BET1: variants seen among roughly 807,000 people sequenced by gnomAD.
The protein encoded by BET1 is BET1 homolog.
In BET1, 9 loss-of-function variants were observed where a neutral mutation model predicts 13.9. The observed-to-expected ratio is 0.65, with a 90% CI of 0.39 to 1.13. BET1 has a LOEUF of 1.13. Ranked by LOEUF, BET1 falls within the 50% of genes most tolerant of loss-of-function variation. The pLI, the probability that BET1 is intolerant of heterozygous loss-of-function variation, is 0.01. For synonymous variants in BET1, 39 were observed against 47.3 expected (o/e 0.82, Z 0.72); for missense variants, 127 against 133.6 (o/e 0.95, Z 0.24).
chr7:93,976,380 A>T (rs1195673912), intron 4 of BET1, among the ~76,000 whole-genome samples: 2 of 152,030 alleles, frequency 1.3e-5, no homozygotes, highest in Non-Finnish European at 2.9e-5. Flanking sequence ...GTAAACATAC[A>T]TTCAGCATCT....
intron 4 of BET1, among the ~76,000 whole-genome samples, chr7:93,977,300 T>G (rs1795356006): frequency 6.6e-6 from 1 of 151,994 alleles, no homozygotes; most frequent in African/African-American, 2.4e-5. Context: ...GTCTCTACTA[T>G]ACATATGCAG....
chr7:93,983,748 A>ATGAAGAAT (rs1795471785), intron 4 of BET1, among the ~76,000 whole-genome samples: 5 of 152,136 alleles, frequency 3.3e-5, no homozygotes, highest in Admixed American at 2.6e-4. Flanking sequence ...TTCTTCAGTC[A>ATGAAGAAT]TGCATTGCAA....
At chr7:93,967,791 A>C (rs1795198145) in intron 6 of BET1, among the ~76,000 whole-genome samples, 1 of 151,796 alleles carries the variant, frequency 6.6e-6, no homozygotes. Flanking sequence ...CCATCAGAAT[A>C]ATAGAATCCA....
At chr7:93,975,771 C>T (rs1584127423) in intron 5 of BET1, 2 of 334,042 alleles carry the variant, frequency 6.0e-6, no homozygotes, top group Admixed American at 4.9e-5. Context: ...GTGGAAAATG[C>T]TACTTTCTCT....
chr7:93,988,526 C>G (rs951150031), downstream of BET1, among the ~76,000 whole-genome samples: 1 of 152,124 alleles, frequency 6.6e-6, no homozygotes, highest in Non-Finnish European at 1.5e-5. Context: ...GAAAACCCAT[C>G]TTGAGTTTAC....
intron 3 of BET1, chr7:93,995,999 T>C (rs1795762506): frequency 8.2e-6 from 4 of 488,228 alleles, no homozygotes; most frequent in Non-Finnish European, 1.1e-5. Context: ...AAAATAGTCA[T>C]TTGTCTTGTT....
downstream of BET1, chr7:93,993,241 G>A (rs2116109423): frequency 1.0e-6 from 1 of 966,602 alleles, no homozygotes; most frequent in South Asian, 4.8e-5. Context: ...ACTTAAAGAA[G>A]TAACACAGTC....
At chr7:93,980,857 T>C (rs1469201499) in intron 4 of BET1, among the ~76,000 whole-genome samples, 2 of 152,186 alleles carry the variant, frequency 1.3e-5, no homozygotes, top group Non-Finnish European at 2.9e-5. Flanking sequence ...ATCTTATATA[T>C]GTTGGAGTTC....
At chr7:93,991,882 C>G (rs1795644506), downstream of BET1, 1 of 974,768 alleles carries the variant, frequency 1.0e-6, no homozygotes, top group South Asian at 4.8e-5. Context: ...TCAACATTCT[C>G]TCAAAGAAGT....
chr7:94,003,886 A>T (rs79416820), intron 1 of BET1, among the ~76,000 whole-genome samples: 1,856 of 152,160 alleles, frequency 0.012, 32 homozygotes, highest in African/African-American at 0.042. Flanking sequence ...AAAACATAGC[A>T]GCGTCCATAA....
intron 4 of BET1, among the ~76,000 whole-genome samples, chr7:93,977,913 T>C (rs2116055715): frequency 6.6e-6 from 1 of 152,236 alleles, no homozygotes; most frequent in Non-Finnish European, 1.5e-5. Flanking sequence ...CCTGATTATA[T>C]GCCACTTGCC....
At chr7:93,991,851 C>T (rs1795643714), downstream of BET1, 1 of 971,112 alleles carries the variant, frequency 1.0e-6, no homozygotes, top group African/African-American at 1.8e-5. Flanking sequence ...ACTGCATAAA[C>T]CCAAATTATC....
downstream of BET1, among the ~76,000 whole-genome samples, chr7:93,988,907 C>A (rs1470819785): frequency 6.7e-6 from 1 of 148,714 alleles, no homozygotes; most frequent in Non-Finnish European, 1.5e-5. Context: ...CTAAGACACA[C>A]AGTGGTAGAA....
chr7:93,994,996 ACC>A lies in BET1; in HGVS notation c.202-613_202-612del, dbSNP rs532129503. Among the ~76,000 whole-genome samples, 467 of 152,282 alleles carry A rather than the reference ACC, an allele frequency of 3.1e-3. 7 individuals are homozygous for A. Among genetic ancestry groups the A allele is most frequent in the African/African-American group, 0.011 (440 of 41,550 alleles). On this transcript the variant is annotated intron_variant, in intron 3 of 3. Coordinates refer to ENST00000222547, the MANE Select transcript of BET1 (RefSeq NM_005868.6). ...GTAGCTGGGACTACAGGCGCACGCC[ACC>A]ACGCCCAGCTAATTTTTTTGTATTT...
intron 1 of BET1, among the ~76,000 whole-genome samples, chr7:94,001,526 G>A (rs1795902648): frequency 6.6e-6 from 1 of 152,126 alleles, no homozygotes; most frequent in South Asian, 2.1e-4. Flanking sequence ...GAAGAGAGTT[G>A]TACTATCTGA....
chr7:93,992,605 T>C (rs888809279), downstream of BET1: 1 of 985,124 alleles, frequency 1.0e-6, no homozygotes, highest in Non-Finnish European at 1.2e-6. Flanking sequence ...CTGATGAAAA[T>C]ACCTACTTGG....
At chr7:93,992,422 T>C, downstream of BET1, 1 of 985,418 alleles carries the variant, frequency 1.0e-6, no homozygotes, top group Non-Finnish European at 1.2e-6. Flanking sequence ...CTTCCATTGT[T>C]GATTCTCCTG....
chr7:93,988,580 A>T (rs75237264), downstream of BET1, among the ~76,000 whole-genome samples: 226 of 152,328 alleles, frequency 1.5e-3, 3 homozygotes, highest in East Asian at 0.029. Flanking sequence ...ATTAGTAATT[A>T]ATTAAATTTT....
intron 4 of BET1, among the ~76,000 whole-genome samples, chr7:93,977,778 T>C (rs192057739): frequency 6.6e-6 from 1 of 152,288 alleles, no homozygotes; most frequent in Admixed American, 6.5e-5. Context: ...GCCAGATGCT[T>C]GTGTCAATCT....
Sources: gnomAD v4.1 joint callset for allele counts (sites outside exome capture counted in the v4.1 genomes callset) on GRCh38, gnomAD v4.1.1 for gene constraint, MANE v1.5 for transcripts, NCBI Gene and HGNC (gene_info 2026-07-23, HGNC 2026-07-21) for gene names.